SP100: variants seen among roughly 807,000 people sequenced by gnomAD.
The protein encoded by SP100 is nuclear autoantigen Sp-100.
In SP100, 84 loss-of-function variants were observed where a neutral mutation model predicts 130.0. That is an observed-to-expected ratio of 0.65 (90% CI 0.54 to 0.77). The LOEUF is 0.77. Ranked by LOEUF, SP100 falls within the 30% of genes least tolerant of loss-of-function variation. The pLI, the probability that SP100 is intolerant of heterozygous loss-of-function variation, is 0.00. For synonymous variants in SP100, 331 were observed against 351.7 expected (o/e 0.94, Z 0.66); for missense variants, 978 against 1,052.2 (o/e 0.93, Z 0.97).
At chr2:230,478,425 A>C (rs1187977509) in intron 17 of SP100, among the ~76,000 whole-genome samples, 1 of 152,254 alleles carries the variant, frequency 6.6e-6, no homozygotes, top group Non-Finnish European at 1.5e-5. Flanking sequence ...AGACCTCTTC[A>C]AATAGCTCTC....
chr2:230,515,492 AG>A (rs754379179), intron 24 of SP100: 6 of 1,613,348 alleles, frequency 3.7e-6, no homozygotes, highest in Admixed American at 3.3e-5. Context: ...AAATACAAAA[AG>A]GATATTGCTG....
chr2:230,421,504 C>CATATATATATATATAT (rs55963279), intron 2 of SP100, among the ~76,000 whole-genome samples: 14 of 146,282 alleles, frequency 9.6e-5, no homozygotes, highest in East Asian at 6.0e-4. Context: ...AGAAGATATA[C>CATATATATATATATAT]ATATATATAT....
chr2:230,538,571 A>G (rs1692041831), intron 24 of SP100: 1 of 152,200 alleles, frequency 6.6e-6, no homozygotes, highest in African/African-American at 2.4e-5. Context: ...AATTGTTTTT[A>G]TTTATGTGAC....
At chr2:230,425,692 T>C (rs1021074438) in intron 2 of SP100, among the ~76,000 whole-genome samples, 5 of 152,194 alleles carry the variant, frequency 3.3e-5, no homozygotes, top group Non-Finnish European at 7.4e-5. Context: ...TGCATCTATG[T>C]ATATCTGGAG....
chr2:230,512,312 C>T (rs535737344), intron 24 of SP100, among the ~76,000 whole-genome samples: 10 of 99,788 alleles, frequency 1.0e-4, no homozygotes, highest in African/African-American at 2.7e-4. Context: ...TTTTTTGAGA[C>T]GGAGTCTCGC....
chr2:230,524,722 A>C (rs1212142413), intron 24 of SP100, among the ~76,000 whole-genome samples: 4 of 152,222 alleles, frequency 2.6e-5, no homozygotes, highest in African/African-American at 7.2e-5. Context: ...CCAATTAAGA[A>C]AAGGTTATGA....
chr2:230,465,235 CA>C (rs572234992), intron 11 of SP100, among the ~76,000 whole-genome samples: 46 of 144,206 alleles, frequency 3.2e-4, no homozygotes, highest in African/African-American at 5.6e-4. Context: ...GACTCCATCT[CA>C]AAAAAAAAAA....
At chr2:230,535,004 G>C (rs1043595351) in intron 24 of SP100, among the ~76,000 whole-genome samples, 1 of 151,980 alleles carries the variant, frequency 6.6e-6, no homozygotes, top group South Asian at 2.1e-4. Context: ...AGACCACCCT[G>C]GCCAAGATGG....
At chr2:230,520,818 G>T (rs924967379) in intron 24 of SP100, 3 of 152,246 alleles carry the variant, frequency 2.0e-5, no homozygotes, top group Admixed American at 6.5e-5. Context: ...GGAGAAGGAA[G>T]AGGGACTCTT....
Position 230,462,531 on chromosome 2 carries a change from G to A in SP100, c.1057+13G>A. The A allele has an allele frequency of 1.3e-6, 2 of 1,593,468 alleles. No homozygotes were observed. The highest frequency in any genetic ancestry group is 1.7e-6 in the Non-Finnish European group (2 of 1,161,482). Reference sequence around the variant, plus strand: ...AGAAGTGAGCCTGGTAAGGAAGTTTGGGAGAGCAAGGCTTGGGCTGTGGGA... The same window carrying A: ...AGAAGTGAGCCTGGTAAGGAAGTTTAGGAGAGCAAGGCTTGGGCTGTGGGA... On this transcript the variant is annotated intron_variant, in intron 10 of 28. Transcript: ENST00000340126.
chr2:230,515,835 A>C lies in SP100; in HGVS notation c.2094+4669A>C. ...AGCCCTGTCCTGGTGGTATTTAGCC[A>C]CTAACCTTTGCCTGGTACAGTATGG... On this transcript the variant is annotated intron_variant, in intron 24 of 28. Coordinates refer to ENST00000340126, the MANE Select transcript of SP100 (RefSeq NM_001080391.2). The C allele has an allele frequency of 2.2e-6, 3 of 1,389,678 alleles. No individual in the cohort carries two copies. In the East Asian group the frequency reaches 8.0e-5, roughly 37 times the overall value. 86.1% of individuals were successfully genotyped at this position (1,389,678 alleles called of 1,614,324 possible). A position where few individuals can be genotyped will look rare whatever the true frequency, so the allele number is the denominator to read the frequency against.
chr2:230,492,008 A>G (rs1276066684), intron 17 of SP100, among the ~76,000 whole-genome samples: 1 of 152,072 alleles, frequency 6.6e-6, no homozygotes, highest in East Asian at 1.9e-4. Flanking sequence ...TCTAGTGATT[A>G]CTTTTAGGAT....
In SP100 at chr2:230,514,997, A is replaced by G. The variant is rs186279730; in HGVS notation, c.2094+3831A>G. ...CTGGACAGGCCCTGGGCGACTCTGT[A>G]CCTTGCTGAGGAAAAATAACTAAAC... On this transcript the variant is annotated intron_variant, in intron 24 of 28. Coordinates refer to ENST00000340126, the MANE Select transcript of SP100 (RefSeq NM_001080391.2). 15 of 1,562,106 alleles carry G rather than the reference A, an allele frequency of 9.6e-6. No individual in the cohort carries two copies. In the African/African-American group the frequency reaches 1.5e-4, roughly 16 times the overall value.
chr2:230,453,978 T>C (rs758230497), intron 8 of SP100, among the ~76,000 whole-genome samples: 1 of 152,224 alleles, frequency 6.6e-6, no homozygotes, highest in Non-Finnish European at 1.5e-5. Context: ...TACTCATTAT[T>C]GGTCTGTTCA....
Position 230,442,622 on chromosome 2 carries a change from C to T in SP100, c.108-315C>T, listed in dbSNP as rs572934877. 2.6e-5 allele frequency among the ~76,000 whole-genome samples: 4 copies of T among 152,102 alleles called. No homozygotes were observed. In the South Asian group the frequency reaches 8.3e-4, roughly 32 times the overall value. On this transcript the variant is annotated intron_variant, in intron 2 of 28. Transcript: ENST00000340126. ...CTCTGTGGATGACCTGTTTATTCCACCTAGATTCTGTAGGAATTTAATTTT... is the reference window on the plus strand; with the variant it reads ...CTCTGTGGATGACCTGTTTATTCCATCTAGATTCTGTAGGAATTTAATTTT...
chr2:230,519,656 A>G (rs1575797180), intron 24 of SP100, among the ~76,000 whole-genome samples: 1 of 152,340 alleles, frequency 6.6e-6, no homozygotes, highest in African/African-American at 2.4e-5. Context: ...TCTTTTTCAA[A>G]TCAGAAATAG....
At chr2:230,528,893 C>T (rs1691561886) in intron 24 of SP100, among the ~76,000 whole-genome samples, 1 of 152,168 alleles carries the variant, frequency 6.6e-6, no homozygotes, top group Non-Finnish European at 1.5e-5. Flanking sequence ...AGTTGAATCT[C>T]TGCATAGACC....
chr2:230,541,650 T>G (rs536988167), intron 27 of SP100, among the ~76,000 whole-genome samples: 46 of 152,304 alleles, frequency 3.0e-4, no homozygotes, highest in African/African-American at 1.0e-3. Context: ...CCTGTGTTCT[T>G]GAGTGGCAGA....
intron 17 of SP100, among the ~76,000 whole-genome samples, chr2:230,487,346 G>T (rs1051280157): frequency 6.6e-6 from 1 of 152,132 alleles, no homozygotes; most frequent in Non-Finnish European, 1.5e-5. Context: ...GTTAATTTTT[G>T]TGTAAGGCAT....
Sources: allele counts gnomAD v4.1 joint callset (sites outside exome capture counted in the v4.1 genomes callset), GRCh38; gene constraint gnomAD v4.1.1; transcripts MANE v1.5; gene names NCBI Gene and HGNC (gene_info 2026-07-23, HGNC 2026-07-21).